Variants in CSMD3 observed in about 807,000 individuals in gnomAD.
CSMD3 encodes CUB and Sushi multiple domains 3.
CSMD3 carries 177 observed loss-of-function variants against 435.2 expected under a neutral mutation model. The observed-to-expected ratio is 0.41, with a 90% CI of 0.36 to 0.46. The LOEUF (loss-of-function observed/expected upper bound fraction) is 0.46. CSMD3 is among the 20% of genes least tolerant of loss of function. CSMD3 has a pLI of 0.34. For synonymous variants in CSMD3, 1,656 were observed against 1,520.5 expected (o/e 1.09, Z -2.07); for missense variants, 4,265 against 4,504.6 (o/e 0.95, Z 1.52).
chr8:113,077,230 A>C (rs2089378790), intron 5 of CSMD3, among the ~76,000 whole-genome samples: 1 of 152,146 alleles, frequency 6.6e-6, no homozygotes, highest in Non-Finnish European at 1.5e-5. Context: ...TATTAGGAAA[A>C]CTGTCAGGAA....
intron 11 of CSMD3, among the ~76,000 whole-genome samples, chr8:112,837,954 G>A (rs188049966): frequency 1.3e-5 from 2 of 151,860 alleles, no homozygotes; most frequent in Non-Finnish European, 2.9e-5. Flanking sequence ...TCTAATTAAA[G>A]CACTTCTTTC....
chr8:112,669,174 A>G (rs1484872503), intron 16 of CSMD3, among the ~76,000 whole-genome samples: 1 of 151,930 alleles, frequency 6.6e-6, no homozygotes, highest in Non-Finnish European at 1.5e-5. Flanking sequence ...CTGGGATTAC[A>G]GGCACACACC....
intron 5 of CSMD3, among the ~76,000 whole-genome samples, chr8:113,038,212 GA>G (rs955661132): frequency 1.3e-5 from 2 of 151,972 alleles, no homozygotes; most frequent in Non-Finnish European, 2.9e-5. Context: ...AGTAACAGTA[GA>G]AAAAAACTGT....
At chr8:112,631,046 G>A (rs993930338) in intron 22 of CSMD3, among the ~76,000 whole-genome samples, 4 of 151,530 alleles carry the variant, frequency 2.6e-5, no homozygotes, top group Non-Finnish European at 4.4e-5. Context: ...AATACATTAT[G>A]AGTTTAATAA....
chr8:113,393,026 T>A (rs1297082924), intron 1 of CSMD3, among the ~76,000 whole-genome samples: 16 of 151,788 alleles, frequency 1.1e-4, no homozygotes, highest in Admixed American at 9.9e-4. Flanking sequence ...TACATATATA[T>A]AAAACCATGT....
Position 113,024,621 on chromosome 8 carries a change from T to C in CSMD3, c.918-5442A>G, listed in dbSNP as rs186314059. On this transcript the variant is annotated intron_variant, in intron 5 of 70. Coordinates refer to ENST00000297405, the MANE Select transcript of CSMD3 (RefSeq NM_198123.2). ...CTCTGCATCTTTGCTAACACCTCTTTTGTCTTTTTGATAGTAGCCATTCTG... is the reference window on the plus strand; with the variant it reads ...CTCTGCATCTTTGCTAACACCTCTTCTGTCTTTTTGATAGTAGCCATTCTG... Among the ~76,000 whole-genome samples the C allele has an allele frequency of 5.9e-3, 899 of 152,270 alleles. 4 individuals are homozygous for C. Among genetic ancestry groups the C allele is most frequent in the African/African-American group, 0.019 (799 of 41,550 alleles).
Position 112,759,003 on chromosome 8 carries a change from AATTTTATAAC to A in CSMD3, c.1972+41149_1972+41158del, listed in dbSNP as rs368097043. 2.6e-4 allele frequency among the ~76,000 whole-genome samples: 39 copies of A among 152,276 alleles called. 1 individual carries two copies. Among genetic ancestry groups the A allele is most frequent in the African/African-American group, 8.4e-4 (35 of 41,580 alleles). On this transcript the variant is annotated intron_variant, in intron 13 of 70. Transcript: ENST00000297405. The stretch of plus-strand genomic sequence containing the variant: ...AAATAATAATTCAAAGACAGGGTTT[AATTTTATAAC>A]TCTGGAAATAGCATGTTTTCGAAGA...
chr8:112,543,682 A>C (rs1234478098), intron 27 of CSMD3, among the ~76,000 whole-genome samples: 1 of 152,142 alleles, frequency 6.6e-6, no homozygotes, highest in Non-Finnish European at 1.5e-5. Context: ...TTCCTCAAAA[A>C]ATCTAAAAAT....
intron 42 of CSMD3, among the ~76,000 whole-genome samples, chr8:112,339,213 T>A (rs1020882557): frequency 2.0e-5 from 3 of 151,944 alleles, no homozygotes; most frequent in Non-Finnish European, 2.9e-5. Flanking sequence ...AGTATAACTT[T>A]GTAACTTCAC....
Position 112,550,773 on chromosome 8 carries a change from A to G in CSMD3, c.4462T>C (p.Ser1488Pro), listed in dbSNP as rs779750641. ...CTATGAATTCCTTCAGGAATAAGAGATCCACTAATTTCCTTTAAAAGCATA... is the reference window on the plus strand; with the variant it reads ...CTATGAATTCCTTCAGGAATAAGAGGTCCACTAATTTCCTTTAAAAGCATA... Reference protein sequence around the residue: ...NDMLLKEISGSLIPEGIHSTL... With the variant: ...NDMLLKEISGPLIPEGIHSTL... The change falls in exon 27 of 71, where the codon TCT (serine) becomes CCT (proline). Residue 1488 changes from serine (S) to proline (P), a missense_variant. This residue lies in a region of CSMD3 where 3,255 missense variants were observed against 3,380.2 expected (regional missense o/e 0.96). Transcript: ENST00000297405. 4.4e-6 allele frequency: 7 copies of G among 1,602,684 alleles called. No individual in the cohort carries two copies. The highest frequency in any genetic ancestry group is 6.0e-6 in the Non-Finnish European group (7 of 1,169,966).
intron 35 of CSMD3, among the ~76,000 whole-genome samples, chr8:112,404,386 C>T (rs1042023717): frequency 2.6e-5 from 4 of 151,794 alleles, no homozygotes; most frequent in African/African-American, 4.8e-5. Flanking sequence ...AAAAATTAGC[C>T]GAGCATGGTG....
chr8:113,397,308 T>C (rs1429022403), intron 1 of CSMD3, among the ~76,000 whole-genome samples: 2 of 152,168 alleles, frequency 1.3e-5, no homozygotes, highest in African/African-American at 4.8e-5. Flanking sequence ...TTTACGTTTC[T>C]TCTTTATGGT....
intron 4 of CSMD3, among the ~76,000 whole-genome samples, chr8:113,157,076 A>T (rs2091949464): frequency 6.6e-6 from 1 of 152,088 alleles, no homozygotes; most frequent in Non-Finnish European, 1.5e-5. Context: ...GTTGGTGAGG[A>T]TATAGAGAAA....
chr8:112,880,348 G>T (rs2081412789), intron 10 of CSMD3, among the ~76,000 whole-genome samples: 1 of 152,014 alleles, frequency 6.6e-6, no homozygotes, highest in Non-Finnish European at 1.5e-5. Context: ...TAAGGAGCTT[G>T]CAGTCTTAAA....
intron 28 of CSMD3, 21 bp downstream of exon 28, chr8:112,517,013 T>G (rs201696604): frequency 1.1e-5 from 18 of 1,584,528 alleles, no homozygotes; most frequent in Admixed American, 1.7e-5. Context: ...TATAAAATTT[T>G]AATTGTTCTT....
At chr8:112,972,414 G>A (rs1218478877) in intron 7 of CSMD3, among the ~76,000 whole-genome samples, 2 of 151,624 alleles carry the variant, frequency 1.3e-5, no homozygotes, top group Non-Finnish European at 3.0e-5. Context: ...TGACTTTATA[G>A]TTTGCTAATG....
At chr8:113,423,223 T>C (rs2094617917) in intron 1 of CSMD3, among the ~76,000 whole-genome samples, 1 of 152,072 alleles carries the variant, frequency 6.6e-6, no homozygotes, top group South Asian at 2.1e-4. Context: ...TCTTGAGTAT[T>C]TTGAATTTCA....
At chr8:113,269,836 G>T (rs544813072) in intron 3 of CSMD3, among the ~76,000 whole-genome samples, 3,002 of 151,676 alleles carry the variant, frequency 0.02, 107 homozygotes, top group African/African-American at 0.069. Flanking sequence ...AGACTTAAAT[G>T]TTAGACCTAA....
intron 1 of CSMD3, among the ~76,000 whole-genome samples, chr8:113,393,348 A>T (rs1009667467): frequency 6.6e-6 from 1 of 152,152 alleles, no homozygotes; most frequent in African/African-American, 2.4e-5. Flanking sequence ...ACAGAAAATG[A>T]ATTCTGAAGA....
Sources: gnomAD v4.1 joint callset for allele counts (sites outside exome capture counted in the v4.1 genomes callset) on GRCh38, gnomAD v4.1.1 for gene constraint, gnomAD v4.1.1 regional missense constraint, MANE v1.5 for transcripts, NCBI Gene and HGNC (gene_info 2026-07-23, HGNC 2026-07-21) for gene names.